RFX4: variants seen among roughly 807,000 people sequenced by gnomAD.
RFX4 encodes the protein regulatory factor X4.
RFX4 carries 10 observed loss-of-function variants against 95.0 expected under a neutral mutation model. That is an observed-to-expected ratio of 0.11 (90% CI 0.06 to 0.18). The LOEUF (loss-of-function observed/expected upper bound fraction) is 0.18, where lower values mean the gene tolerates loss of function less well. Ranked by LOEUF, RFX4 falls within the 10% of genes least tolerant of loss-of-function variation. The pLI is 1.00. For synonymous variants in RFX4, 321 were observed against 340.7 expected, an observed-to-expected ratio of 0.94 and a Z score of 0.64; for missense variants, 640 against 922.0, an observed-to-expected ratio of 0.69 and a Z score of 3.96.
intron 2 of RFX4, among the ~76,000 whole-genome samples, chr12:106,617,198 CT>C (rs1441349623): frequency 6.6e-6 from 1 of 152,098 alleles, no homozygotes; most frequent in Non-Finnish European, 1.5e-5. Flanking sequence ...AAAGGTCCAA[CT>C]TTTGGGTTTG....
intron 9 of RFX4, among the ~76,000 whole-genome samples, chr12:106,711,053 A>G (rs1428870547): frequency 1.3e-5 from 2 of 152,210 alleles, no homozygotes; most frequent in African/African-American, 2.4e-5. Flanking sequence ...TAGACATACT[A>G]CTTTTTAAAG....
At chr12:106,600,822 C>T (rs2039692300) in intron 1 of RFX4, among the ~76,000 whole-genome samples, 1 of 152,166 alleles carries the variant, frequency 6.6e-6, no homozygotes, top group Non-Finnish European at 1.5e-5. Flanking sequence ...CCAACATCAC[C>T]TCCTCAGAGA....
chr12:106,654,493 T>C, intron 4 of RFX4, 142 bp downstream of exon 4: 1 of 903,798 alleles, frequency 1.1e-6, no homozygotes. Context: ...TCAACTTCAC[T>C]GTAATACTTT....
Position 106,691,416 on chromosome 12 carries a change from C to T in RFX4, c.669+2052C>T, listed in dbSNP as rs191143830. On this transcript the variant is annotated intron_variant, in intron 7 of 17. Transcript: ENST00000392842. ...CTCACACCCTTAGGCCAATTCCACC[C>T]CACTGGCAGGAATATTTGGTGGCTG... Among the ~76,000 whole-genome samples, 82 of 152,326 alleles carry T rather than the reference C, an allele frequency of 5.4e-4. 1 individual carries two copies. Among genetic ancestry groups the T allele is most frequent in the African/African-American group, 1.8e-3 (75 of 41,570 alleles).
chr12:106,733,167 C>A, intron 15 of RFX4, 82 bp downstream of exon 15: 1 of 1,444,962 alleles, frequency 6.9e-7, no homozygotes, highest in Non-Finnish European at 9.7e-7. Context: ...CATAGTGAGA[C>A]TTCATTTCCA....
At chr12:106,687,182 T>TCTCTCTCACA (rs1443795120) in intron 6 of RFX4, 85 bp downstream of exon 6, 32 of 547,196 alleles carry the variant, frequency 5.8e-5, no homozygotes, top group African/African-American at 4.9e-4. Context: ...TCTCTCTCTC[T>TCTCTCTCACA]CACACACACA....
intron 2 of RFX4, among the ~76,000 whole-genome samples, chr12:106,624,986 C>T (rs921944148): frequency 2.6e-5 from 4 of 152,070 alleles, no homozygotes; most frequent in African/African-American, 9.7e-5. Flanking sequence ...CTGGCATGAG[C>T]CTTTCAGTAT....
chr12:106,669,623 C>A (rs1407781732), intron 4 of RFX4, among the ~76,000 whole-genome samples: 1 of 152,002 alleles, frequency 6.6e-6, no homozygotes, highest in African/African-American at 2.4e-5. Context: ...CTTGCACACC[C>A]CTGAACTGAC....
At chr12:106,759,194 A>G (rs1252244812) in intron 17 of RFX4, among the ~76,000 whole-genome samples, 2 of 152,196 alleles carry the variant, frequency 1.3e-5, no homozygotes, top group Non-Finnish European at 2.9e-5. Flanking sequence ...GTGACATTTA[A>G]GCTGAGATCT....
intron 3 of RFX4, among the ~76,000 whole-genome samples, chr12:106,640,855 A>C (rs555345029): frequency 7.0e-6 from 1 of 142,500 alleles, no homozygotes; most frequent in African/African-American, 2.7e-5. Context: ...ATTTTGGCTC[A>C]CTGCAACCTC....
At chr12:106,583,957 T>G (rs1345923418) in intron 1 of RFX4, among the ~76,000 whole-genome samples, 2 of 152,086 alleles carry the variant, frequency 1.3e-5, no homozygotes, top group Admixed American at 6.5e-5. Context: ...TCCTGGGCTG[T>G]GGGGTCGGGC....
At chr12:106,654,373 T>C in intron 4 of RFX4, 22 bp downstream of exon 4, 1 of 1,606,614 alleles carries the variant, frequency 6.2e-7, no homozygotes. Context: ...CTCATCAGGC[T>C]TGTCCTCCCT....
At chr12:106,593,993 T>C (rs1386888691) in intron 1 of RFX4, among the ~76,000 whole-genome samples, 1 of 152,194 alleles carries the variant, frequency 6.6e-6, no homozygotes, top group Non-Finnish European at 1.5e-5. Flanking sequence ...TGATAATAAG[T>C]CTAGGGTGAG....
At chr12:106,652,379 T>A (rs1444900703) in intron 3 of RFX4, among the ~76,000 whole-genome samples, 5 of 152,194 alleles carry the variant, frequency 3.3e-5, no homozygotes, top group Admixed American at 2.6e-4. Context: ...TGGCAGGTGA[T>A]AAGATCAATA....
At chr12:106,689,056 A>G in intron 6 of RFX4, among the ~76,000 whole-genome samples, 1 of 152,180 alleles carries the variant, frequency 6.6e-6, no homozygotes, top group East Asian at 1.9e-4. Flanking sequence ...CGCATTCCGT[A>G]TCTCAGGGAG....
rs138604382 is a variant in RFX4 at position 106,732,353 on chromosome 12, T to C, written c.1471+104T>C. On this transcript the variant is annotated intron_variant, in intron 14 of 17. Transcript: ENST00000392842. ...AACTCTGTATCTCAAAGAATTTAGTTATGGTGAACAGGTTAAGTGGTATCA... is the reference window on the plus strand; with the variant it reads ...AACTCTGTATCTCAAAGAATTTAGTCATGGTGAACAGGTTAAGTGGTATCA... 4.3e-4 allele frequency: 634 copies of C among 1,469,686 alleles called. 3 individuals are homozygous for C. The East Asian group carries it at 8.1e-3, about 19-fold the overall frequency. 91.0% of individuals were successfully genotyped at this position (1,469,686 alleles called of 1,614,324 possible). A position where few individuals can be genotyped will look rare whatever the true frequency, so the allele number is the denominator to read the frequency against.
intron 4 of RFX4, among the ~76,000 whole-genome samples, chr12:106,658,210 A>T (rs2041000046): frequency 6.6e-6 from 1 of 152,186 alleles, no homozygotes; most frequent in Non-Finnish European, 1.5e-5. Flanking sequence ...TTTAACCTTC[A>T]TGATAATAAC....
Position 106,605,616 on chromosome 12 carries a change from G to A in RFX4, c.44-3181G>A, listed in dbSNP as rs114480443. On this transcript the variant is annotated intron_variant, in intron 1 of 17. Coordinates refer to ENST00000392842, the MANE Select transcript of RFX4 (RefSeq NM_213594.3). ...CCTCAGAGTCTATCCCAAGTGCCAC[G>A]TGTTCACATGGACATTGATTAACTA... Among the ~76,000 whole-genome samples the A allele has an allele frequency of 6.0e-3, 909 of 152,306 alleles. 9 individuals are homozygous for A. The highest frequency in any genetic ancestry group is 0.019 in the African/African-American group (779 of 41,564).
intron 3 of RFX4, among the ~76,000 whole-genome samples, chr12:106,640,548 C>T (rs2040600713): frequency 6.6e-6 from 1 of 152,182 alleles, no homozygotes; most frequent in African/African-American, 2.4e-5. Context: ...GCTCTATTTC[C>T]AGCCTTTTGG....
Sources: allele counts gnomAD v4.1 joint callset (sites outside exome capture counted in the v4.1 genomes callset), GRCh38; gene constraint gnomAD v4.1.1; transcripts MANE v1.5; gene names NCBI Gene and HGNC (gene_info 2026-07-23, HGNC 2026-07-21).